LSM3: variants seen among roughly 807,000 people sequenced by gnomAD.
The protein encoded by LSM3 is LSM3 homolog, U6 small nuclear RNA and mRNA degradation associated.
A neutral mutation model predicts 15.4 loss-of-function variants in LSM3; 14 were observed. The ratio of observed to expected loss-of-function variants is 0.91; its 90% CI spans 0.60 to 1.42. The LOEUF (loss-of-function observed/expected upper bound fraction) is 1.42. LSM3 is among the 40% of genes most tolerant of loss of function. The pLI, the probability that LSM3 is intolerant of heterozygous loss-of-function variation, is 0.00. For synonymous variants in LSM3, 46 were observed against 45.1 expected, an observed-to-expected ratio of 1.02 and a Z score of -0.08; for missense variants, 88 against 127.9, an observed-to-expected ratio of 0.69 and a Z score of 1.50.
chr3:14,196,687 A>C (rs1697190246), intron 3 of LSM3, among the ~76,000 whole-genome samples: 2 of 152,200 alleles, frequency 1.3e-5, no homozygotes, highest in Non-Finnish European at 2.9e-5. Flanking sequence ...AACTTATACT[A>C]AATTTAATTG....
At chr3:14,184,353 G>A (rs34204661) in intron 3 of LSM3, among the ~76,000 whole-genome samples, 11,428 of 152,250 alleles carry the variant, frequency 0.075, 481 homozygotes, top group South Asian at 0.11. Flanking sequence ...GTATAATAGT[G>A]TGTAACAGTA....
chr3:14,189,943 A>G (rs1345559187), intron 3 of LSM3, among the ~76,000 whole-genome samples: 3 of 152,150 alleles, frequency 2.0e-5, no homozygotes, highest in Non-Finnish European at 2.9e-5. Context: ...CTTACATTTA[A>G]GTCTTTGATC....
chr3:14,193,523 A>G (rs1697160149), intron 3 of LSM3, among the ~76,000 whole-genome samples: 1 of 152,144 alleles, frequency 6.6e-6, no homozygotes, highest in Non-Finnish European at 1.5e-5. Context: ...TATTTCATTA[A>G]GTTGATCTTC....
chr3:14,200,029 T>G lies in LSM3; in HGVS notation c.*1913T>G, dbSNP rs1002084783. On this transcript the variant is annotated 3_prime_UTR_variant, in exon 4 of 4. Transcript: ENST00000306024. ...CACACTGAATTCCTGGACACTTTCT[T>G]CTCTTCATTCTTAGTTATCTTTCTC... is the stretch of plus-strand genomic sequence containing the variant. The G allele has an allele frequency of 1.3e-5, 2 of 152,230 alleles. No homozygotes were observed. Among genetic ancestry groups the G allele is most frequent in the African/African-American group, 4.8e-5 (2 of 41,448 alleles). 9.4% of individuals were successfully genotyped at this position (152,230 alleles called of 1,614,324 possible). A position where few individuals can be genotyped will look rare whatever the true frequency, so the allele number is the denominator to read the frequency against.
intron 1 of LSM3, 107 bp downstream of exon 1, chr3:14,178,988 G>A (rs1026614567): frequency 1.7e-5 from 21 of 1,244,802 alleles, no homozygotes; most frequent in African/African-American, 5.9e-5. Context: ...AAGTCACCAT[G>A]GCCTAATCCA....
rs2607773 is a variant in LSM3, at chr3:14,199,790, G to A, written c.*1674G>A. On this transcript the variant is annotated 3_prime_UTR_variant, in exon 4 of 4. Coordinates refer to ENST00000306024, the MANE Select transcript of LSM3 (RefSeq NM_014463.3). ...GAAACAACCTCAAAGACCTCAGGCC[G>A]CCTGTGGTCATTAGTATGTGGCAGC... is the stretch of plus-strand genomic sequence containing the variant. The A allele has an allele frequency of 0.41, 63,066 of 152,122 alleles. 13,878 individuals are homozygous for A. Among genetic ancestry groups the A allele is most frequent in the Non-Finnish European group, 0.48 (32,976 of 68,024 alleles). The allele number at this position is 152,122 out of a possible 1,614,324, so 9.4% of individuals were successfully genotyped here. A position where few individuals can be genotyped will look rare whatever the true frequency, so the allele number is the denominator to read the frequency against.
intron 1 of LSM3, 23 bp from the exon 2 acceptor site, chr3:14,181,537 A>G: frequency 6.8e-7 from 1 of 1,461,526 alleles, no homozygotes; most frequent in South Asian, 1.1e-5. Context: ...GTACTACATT[A>G]CTAATCCTGT....
At chr3:14,186,549 T>C (rs529404314) in intron 3 of LSM3, among the ~76,000 whole-genome samples, 193 of 152,378 alleles carry the variant, frequency 1.3e-3, no homozygotes, top group African/African-American at 4.5e-3. Flanking sequence ...CTGACTCCTT[T>C]GCTAGTGTTC....
intron 2 of LSM3, among the ~76,000 whole-genome samples, chr3:14,183,361 T>C (rs1226910203): frequency 1.3e-5 from 2 of 152,220 alleles, no homozygotes; most frequent in Admixed American, 1.3e-4. Context: ...GTAACATTTA[T>C]TGATTGAGCC....
chr3:14,198,372 A>G lies in LSM3; in HGVS notation c.*256A>G, dbSNP rs1373942297. On this transcript the variant is annotated 3_prime_UTR_variant, in exon 4 of 4. Coordinates refer to ENST00000306024, the MANE Select transcript of LSM3 (RefSeq NM_014463.3). ...ACTCTTTCAGGACTTCTTTTGCTCC[A>G]TTATTCTCACAGATACTTACTGATT... The G allele has an allele frequency of 8.3e-6, 4 of 479,864 alleles. No homozygotes were observed. Among genetic ancestry groups the G allele is most frequent in the Non-Finnish European group, 1.5e-5 (4 of 271,326 alleles). 29.7% of individuals were successfully genotyped at this position (479,864 alleles called of 1,614,324 possible). A position where few individuals can be genotyped will look rare whatever the true frequency, so the allele number is the denominator to read the frequency against.
At position 14,180,821 on chromosome 3, in the gene LSM3, C is replaced by CTTTTT. The variant is rs1164090236; in HGVS notation, c.22-707_22-703dup. Among the ~76,000 whole-genome samples, 17 of 46,764 alleles carry CTTTTT rather than the reference C, an allele frequency of 3.6e-4. 2 individuals carry two copies. Among genetic ancestry groups the CTTTTT allele is most frequent in the South Asian group, 1.5e-3 (2 of 1,316 alleles). 30.7% of individuals were successfully genotyped at this position (46,764 alleles called of 152,430 possible). A position where few individuals can be genotyped will look rare whatever the true frequency, so the allele number is the denominator to read the frequency against. On this transcript the variant is annotated intron_variant, in intron 1 of 3. Transcript: ENST00000306024. ...GACTCCAAAGCCAGTGCTTGCTTGC[C>CTTTTT]TTTTTTTTTTTTTTTTTTTTTTTTT...
chr3:14,186,814 A>G (rs767626091), intron 3 of LSM3, among the ~76,000 whole-genome samples: 3 of 152,218 alleles, frequency 2.0e-5, no homozygotes, highest in Non-Finnish European at 4.4e-5. Flanking sequence ...ATTGCATCTT[A>G]CAGGTGATGT....
Position 14,187,261 on chromosome 3 carries a change from C to T in LSM3, c.228+3229C>T, listed in dbSNP as rs547261489. ...ACAGAGTCTCAGTAGTTACTGACCTCCATTAAGATTAATTGCTGCCTTGAA... is the reference window on the plus strand; with the variant it reads ...ACAGAGTCTCAGTAGTTACTGACCTTCATTAAGATTAATTGCTGCCTTGAA... On this transcript the variant is annotated intron_variant, in intron 3 of 3. Transcript: ENST00000306024. Among the ~76,000 whole-genome samples, 3 of 152,302 alleles carry T rather than the reference C, an allele frequency of 2.0e-5. No homozygotes were observed. The South Asian group carries it at 6.2e-4, about 32-fold the overall frequency.
Position 14,178,876 on chromosome 3 carries a change from G to C in LSM3, c.16G>C (p.Asp6His). The C allele has an allele frequency of 6.2e-7, 1 of 1,614,222 alleles. No individual in the cohort carries two copies. Among genetic ancestry groups the C allele is most frequent in the Non-Finnish European group, 8.5e-7 (1 of 1,180,048 alleles). Residue 6 changes from aspartate (D) to histidine (H), a missense_variant, in exon 1 of 4, where the codon GAC becomes CAC. Transcript: ENST00000306024. MADDVDQQQTTNTVEE... is the reference protein window; with the variant it reads MADDVHQQQTTNTVEE... ...GGTTTGAAACATGGCGGACGACGTA[G>C]ACCAGGTAAGTGTATTTTAAGGAGG... is the stretch of plus-strand genomic sequence containing the variant.
chr3:14,194,708 C>A (rs1373183965), intron 3 of LSM3, among the ~76,000 whole-genome samples: 1 of 147,092 alleles, frequency 6.8e-6, no homozygotes, highest in Non-Finnish European at 1.5e-5. Context: ...AAAAAAAATT[C>A]TGGGTGAAAT....
intron 3 of LSM3, among the ~76,000 whole-genome samples, chr3:14,188,557 T>C (rs1697111514): frequency 6.6e-6 from 1 of 152,232 alleles, no homozygotes; most frequent in African/African-American, 2.4e-5. Flanking sequence ...GCACTATTAC[T>C]GGTTTCTTGA....
chr3:14,188,392 C>G (rs1025992168), intron 3 of LSM3, among the ~76,000 whole-genome samples: 3 of 152,302 alleles, frequency 2.0e-5, no homozygotes, highest in African/African-American at 7.2e-5. Context: ...TTTTCTTACT[C>G]ATTTTAAATT....
chr3:14,180,225 A>G (rs1697011425), intron 1 of LSM3, among the ~76,000 whole-genome samples: 1 of 152,058 alleles, frequency 6.6e-6, no homozygotes, highest in African/African-American at 2.4e-5. Context: ...CTCTAAAACC[A>G]ATGTTTCCAG....
intron 1 of LSM3, among the ~76,000 whole-genome samples, chr3:14,179,520 ACCT>A (rs1408401078): frequency 6.6e-6 from 1 of 151,962 alleles, no homozygotes; most frequent in African/African-American, 2.4e-5. Flanking sequence ...CTGAAATCTG[ACCT>A]CCTCAGAGAG....
Sources: gnomAD v4.1 joint callset for allele counts (sites outside exome capture counted in the v4.1 genomes callset) on GRCh38, gnomAD v4.1.1 for gene constraint, MANE v1.5 for transcripts, NCBI Gene and HGNC (gene_info 2026-07-23, HGNC 2026-07-21) for gene names.